NACA: variants seen among roughly 807,000 people sequenced by gnomAD.
NACA encodes the protein nascent polypeptide-associated complex subunit alpha.
A neutral mutation model predicts 86.4 loss-of-function variants in NACA; 42 were observed. That is an observed-to-expected ratio of 0.49 (90% CI 0.38 to 0.63). The LOEUF (loss-of-function observed/expected upper bound fraction) is 0.63, where lower values mean the gene tolerates loss of function less well. Ranked by LOEUF, NACA falls within the 20% of genes least tolerant of loss-of-function variation. NACA has a pLI of 0.00. For synonymous variants in NACA, 898 were observed against 973.7 expected, an observed-to-expected ratio of 0.92 and a Z score of 1.45; for missense variants, 2,157 against 2,483.6, an observed-to-expected ratio of 0.87 and a Z score of 2.80.
Position 56,716,270 on chromosome 12 carries a change from C to G in NACA, c.5260G>C (p.Ala1754Pro). The G allele has an allele frequency of 6.2e-7, 1 of 1,613,576 alleles. No homozygotes were observed. ...AAGGGGCCCTTTGGGGAATGAGAAGCATCTTTGCCTTTTGCTGTCTTTGAA... is the reference window on the plus strand; with the variant it reads ...AAGGGGCCCTTTGGGGAATGAGAAGGATCTTTGCCTTTTGCTGTCTTTGAA... ...DSSKTAKGKD[A>P]SHSPKGPLAP... Residue 1754 changes from alanine (A) to proline (P), a missense_variant, in exon 3 of 9, where the codon GCT becomes CCT. Physicochemically the swap from Ala to Pro is conservative, Grantham distance 27. This residue lies in a region of NACA where 797 missense variants were observed against 777.6 expected (regional missense o/e 1.02). Transcript: ENST00000454682.
At position 56,721,317 on chromosome 12, in the gene NACA, A is replaced by G. The variant is rs1438069143; in HGVS notation, c.213T>C (p.Ser71=). The change falls in exon 3 of 9, where the codon TCT becomes TCC. Residue 71 remains serine (S), a synonymous_variant. Transcript: ENST00000454682. ...ANQASPFPSP[S]TIASTPLEVP... Reference sequence around the variant, plus strand: ...CTTCTAAAGGGGTCGAGGCAATAGTAGAGGGGGAAGGGAATGGGGAAGCCT... The same window carrying G: ...CTTCTAAAGGGGTCGAGGCAATAGTGGAGGGGGAAGGGAATGGGGAAGCCT... 1.2e-6 allele frequency: 2 copies of G among 1,610,752 alleles called. No homozygotes were observed. The highest frequency in any genetic ancestry group is 1.7e-6 in the Non-Finnish European group (2 of 1,178,814).
In NACA at chr12:56,716,445, G is replaced by C; in HGVS notation, c.5085C>G (p.Ile1695Met). 6.3e-7 allele frequency: 1 copy of C among 1,579,558 alleles called. No homozygotes were observed. The highest frequency in any genetic ancestry group is 8.6e-7 in the Non-Finnish European group (1 of 1,158,558). ...LVAPAPESTP[I>M]ITAPTRKGPQ... ...GACCTTTCCGAGTGGGAGCTGTGAT[G>C]ATTGGCGTGCTTTCTGGAGCTGGGG... Residue 1695 changes from isoleucine to methionine, a missense_variant, in exon 3 of 9, where the codon ATC (isoleucine) becomes ATG (methionine). This residue lies in a region of NACA where 797 missense variants were observed against 777.6 expected (regional missense o/e 1.02). Transcript: ENST00000454682.
intron 2 of NACA, among the ~76,000 whole-genome samples, chr12:56,723,959 C>A (rs1209777847): frequency 2.6e-5 from 4 of 152,162 alleles, no homozygotes; most frequent in Admixed American, 2.6e-4. Context: ...ACAAGTTATC[C>A]GACCTAGGAC....
chr12:56,714,058 G>A (rs1467534875), intron 5 of NACA: 4 of 393,562 alleles, frequency 1.0e-5, no homozygotes, highest in Admixed American at 4.2e-5. Flanking sequence ...TGTTGGCCAG[G>A]CTGGTCTTGA....
chr12:56,717,119 T>A lies in NACA; in HGVS notation c.4411A>T (p.Thr1471Ser), dbSNP rs755151581. 6 of 1,248,076 alleles carry A rather than the reference T, an allele frequency of 4.8e-6. No individual in the cohort carries two copies. Among genetic ancestry groups the A allele is most frequent in the Non-Finnish European group, 6.1e-6 (6 of 977,732 alleles). The allele number at this position is 1,248,076 out of a possible 1,614,324, so 77.3% of individuals were successfully genotyped here. Residue 1471 changes from threonine (T) to serine (S), a missense_variant, in exon 3 of 9, where the codon ACT (threonine) becomes TCT (serine). Transcript: ENST00000454682. The stretch of plus-strand genomic sequence containing the variant: ...GGGGGCTCCTTGGGGGAAGGAGGAG[T>A]CACTGCTGGGAGGGTGGGATCCCCT... Reference protein sequence around the residue: ...SKGDPTLPAVTPPSPKEPPAP... With the variant: ...SKGDPTLPAVSPPSPKEPPAP...
chr12:56,716,451 C>T lies in NACA; in HGVS notation c.5079G>A (p.Thr1693=), dbSNP rs762130842. 44 of 1,572,634 alleles carry T rather than the reference C, an allele frequency of 2.8e-5. No individual in the cohort carries two copies. Among genetic ancestry groups the T allele is most frequent in the Non-Finnish European group, 3.5e-5 (40 of 1,154,316 alleles). The part of the protein sequence containing the change: ...EVLVAPAPES[T]PIITAPTRKG... ...TCCGAGTGGGAGCTGTGATGATTGGCGTGCTTTCTGGAGCTGGGGCAACAA... is the reference window on the plus strand; with the variant it reads ...TCCGAGTGGGAGCTGTGATGATTGGTGTGCTTTCTGGAGCTGGGGCAACAA... Residue 1693 remains threonine, a synonymous_variant, in exon 3 of 9, where the codon ACG becomes ACA. Transcript: ENST00000454682.
At position 56,713,465 on chromosome 12, in the gene NACA, G is replaced by A. The variant is rs538432700; in HGVS notation, c.5970+72C>T. The stretch of plus-strand genomic sequence containing the variant: ...GCCCTTCCATAACAGAGAACTATCT[G>A]ACGCAAAATGTCAGCAGTGCTGAGG... On this transcript the variant is annotated intron_variant, in intron 6 of 8. Coordinates refer to ENST00000454682, the MANE Select transcript of NACA (RefSeq NM_001365896.1). 7.2e-5 allele frequency: 111 copies of A among 1,545,330 alleles called. No individual in the cohort carries two copies. The African/African-American group carries it at 1.4e-3, about 20-fold the overall frequency.
rs2137808042 is a variant in NACA at position 56,716,530 on chromosome 12, T to G, written c.5000A>C (p.Gln1667Pro). 3.4e-6 allele frequency: 5 copies of G among 1,479,102 alleles called. No individual in the cohort carries two copies. Among genetic ancestry groups the G allele is most frequent in the Non-Finnish European group, 4.6e-6 (5 of 1,093,280 alleles). The allele number at this position is 1,479,102 out of a possible 1,614,324, so 91.6% of individuals were successfully genotyped here. A position where few individuals can be genotyped will look rare whatever the true frequency, so the allele number is the denominator to read the frequency against. ...CTTTGCTGGAAGCCCTTTAGATGCTTGAGGAACAGTGGCCCCCATTTTACA... is the reference window on the plus strand; with the variant it reads ...CTTTGCTGGAAGCCCTTTAGATGCTGGAGGAACAGTGGCCCCCATTTTACA... The part of the protein sequence containing the change: ...VTCKMGATVP[Q>P]ASKGLPAKKG... Residue 1667 changes from glutamine to proline, a missense_variant, in exon 3 of 9, where the codon CAA (glutamine) becomes CCA (proline). Around this residue, in one of 8 missense-constraint regions of NACA, gnomAD observed 797 missense variants for 777.6 expected, o/e 1.02. Transcript: ENST00000454682.
chr12:56,720,250 A>G lies in NACA; in HGVS notation c.1280T>C (p.Leu427Ser), dbSNP rs1271171200. ...AGAAGAAACGGGCATTTGGGCCACT[A>G]AAGGATAATGATAAGTGGCATTAGG... The part of the protein sequence containing the change: ...SSPNATYHYP[L>S]VAQMPVSSVG... Residue 427 changes from leucine to serine, a missense_variant, in exon 3 of 9, where the codon TTA (leucine) becomes TCA (serine). Coordinates refer to ENST00000454682, the MANE Select transcript of NACA (RefSeq NM_001365896.1). 6.8e-6 allele frequency: 11 copies of G among 1,613,908 alleles called. No individual in the cohort carries two copies. Among genetic ancestry groups the G allele is most frequent in the East Asian group, 4.5e-5 (2 of 44,896 alleles).
chr12:56,714,502 G>T (rs1050246005), intron 4 of NACA, 63 bp from the exon 5 acceptor site: 2 of 1,604,332 alleles, frequency 1.2e-6, no homozygotes, highest in Admixed American at 3.3e-5. Context: ...CAATCTCCTT[G>T]TGGGTTTTCC....
In NACA at chr12:56,714,701, C is replaced by T; in HGVS notation, c.5660-14G>A. 6.2e-7 allele frequency: 1 copy of T among 1,611,610 alleles called. No homozygotes were observed. The highest frequency in any genetic ancestry group is 8.5e-7 in the Non-Finnish European group (1 of 1,177,774). On this transcript the variant is annotated splice_polypyrimidine_tract_variant and intron_variant, in intron 3 of 8. Coordinates refer to ENST00000454682, the MANE Select transcript of NACA (RefSeq NM_001365896.1). ...CTGTTCCAGACCCTAAGATGAGAAACAACTTTTACTGCTTTATAGTAGAAA... is the reference window on the plus strand; with the variant it reads ...CTGTTCCAGACCCTAAGATGAGAAATAACTTTTACTGCTTTATAGTAGAAA...
At chr12:56,722,386 T>C (rs1953595862) in intron 2 of NACA, among the ~76,000 whole-genome samples, 1 of 152,166 alleles carries the variant, frequency 6.6e-6, no homozygotes, top group African/African-American at 2.4e-5. Context: ...TGTGGTGCTA[T>C]TTTGGAAGAA....
chr12:56,715,046 A>G (rs1380332776), intron 3 of NACA, among the ~76,000 whole-genome samples: 2 of 152,232 alleles, frequency 1.3e-5, no homozygotes. Context: ...TTATCCCTGT[A>G]AAGTTCTGTC....
At chr12:56,714,262 A>G (rs2137800527) in intron 5 of NACA, 100 bp downstream of exon 5, 2 of 1,288,918 alleles carry the variant, frequency 1.6e-6, no homozygotes, top group Admixed American at 4.1e-5. Flanking sequence ...TTACTTGTAT[A>G]ACCAAAATAC....
In NACA at chr12:56,717,450, TG is replaced by T; in HGVS notation, c.4079del (p.Pro1360GlnfsTer25). Reference sequence around the variant, plus strand: ...GGCCCTCTTTGGAGGATGGAGTAGTTGGGCCTCCTTTAGAGGAGGGAGTTGT... The same window carrying T: ...GGCCCTCTTTGGAGGATGGAGTAGTTGGCCTCCTTTAGAGGAGGGAGTTGT... ...PATTPSSKGG[P>X]TTPSSKEGPT... On this transcript the variant is annotated frameshift_variant, in exon 3 of 9. Transcript: ENST00000454682. LOFTEE classifies it high-confidence loss of function. 7.4e-7 allele frequency: 1 copy of T among 1,358,996 alleles called. No individual in the cohort carries two copies. Among genetic ancestry groups the T allele is most frequent in the Non-Finnish European group, 9.7e-7 (1 of 1,030,678 alleles). The allele number at this position is 1,358,996 out of a possible 1,614,324, so 84.2% of individuals were successfully genotyped here.
chr12:56,715,611 C>T (rs1011351287), intron 3 of NACA, among the ~76,000 whole-genome samples: 2 of 152,054 alleles, frequency 1.3e-5, no homozygotes, highest in African/African-American at 4.8e-5. Context: ...GATGGCATGG[C>T]AGGCTCAGGG....
intron 8 of NACA, 95 bp downstream of exon 8, chr12:56,712,691 G>C: frequency 1.2e-6 from 2 of 1,603,174 alleles, no homozygotes; most frequent in Non-Finnish European, 1.7e-6. Context: ...CTGGAATGAG[G>C]TTCCTTAATT....
chr12:56,724,533 G>C lies in NACA; in HGVS notation c.-2-10C>G, dbSNP rs758927822. ...GCTTCGCCGGGCATTTCTGAAGGAA[G>C]GGAATAAAAAGGAGGCCTAAATTGA... On this transcript the variant is annotated splice_polypyrimidine_tract_variant and intron_variant, in intron 1 of 8. Coordinates refer to ENST00000454682, the MANE Select transcript of NACA (RefSeq NM_001365896.1). The C allele has an allele frequency of 1.9e-6, 3 of 1,610,468 alleles. No homozygotes were observed. The highest frequency in any genetic ancestry group is 2.2e-5 in the South Asian group (2 of 90,388).
Position 56,712,721 on chromosome 12 carries a change from A to G in NACA, c.6222+65T>C, listed in dbSNP as rs1953251589. ...TTAATTGGCTGATATTTAGCAAGAC[A>G]AAATAAAGTCACTCATAATTGGTCA... On this transcript the variant is annotated intron_variant, in intron 8 of 8. Transcript: ENST00000454682. 9 of 1,609,044 alleles carry G rather than the reference A, an allele frequency of 5.6e-6. No individual in the cohort carries two copies. In the South Asian group the frequency reaches 7.7e-5, roughly 14 times the overall value.
Sources: allele counts gnomAD v4.1 joint callset (sites outside exome capture counted in the v4.1 genomes callset), GRCh38; gene constraint gnomAD v4.1.1; regional missense constraint gnomAD v4.1.1; transcripts MANE v1.5; gene names NCBI Gene and HGNC (gene_info 2026-07-23, HGNC 2026-07-21).